FDFT1: variants seen among roughly 807,000 people sequenced by gnomAD.
FDFT1 encodes farnesyl-diphosphate farnesyltransferase 1.
Under a neutral mutation model 46.8 loss-of-function variants are expected in FDFT1, and 68 were observed. The observed-to-expected ratio is 1.45, with a 90% CI of 1.19 to 1.78. The LOEUF (loss-of-function observed/expected upper bound fraction) is 1.78, where lower values mean the gene tolerates loss of function less well. Among genes scored for constraint, FDFT1 ranks in the 40% most tolerant of loss-of-function variants. The probability of loss-of-function intolerance (pLI) is 0.00; values close to 1 mark genes in which losing one functional copy is unlikely to be tolerated. For missense variants in FDFT1, 928 were observed against 524.4 expected (o/e 1.77, Z -7.52); for synonymous variants, 351 against 185.1 (o/e 1.90, Z -7.28).
chr8:11,821,345 C>G (rs1336814434), intron 3 of FDFT1, among the ~76,000 whole-genome samples: 1 of 152,196 alleles, frequency 6.6e-6, no homozygotes, highest in African/African-American at 2.4e-5. Context: ...GTAATCCCAG[C>G]AGTTTGGGAG....
chr8:11,798,808 G>A (rs1805820417), upstream of FDFT1, among the ~76,000 whole-genome samples: 1 of 152,190 alleles, frequency 6.6e-6, no homozygotes, highest in South Asian at 2.1e-4. Flanking sequence ...GGACATTAGT[G>A]AGCAAAACAA....
intron 5 of FDFT1, among the ~76,000 whole-genome samples, chr8:11,828,330 C>T (rs1299958333): frequency 2.0e-5 from 3 of 152,200 alleles, no homozygotes; most frequent in Non-Finnish European, 4.4e-5. Context: ...AAAAACACTT[C>T]CCTCAGCTCA....
intron 1 of FDFT1, chr8:11,808,359 G>C: frequency 8.1e-7 from 1 of 1,235,180 alleles, no homozygotes. Context: ...GTGCGGAGCG[G>C]GAGGCCGGGG....
chr8:11,797,375 G>A (rs1380372910), upstream of FDFT1, among the ~76,000 whole-genome samples: 3 of 152,090 alleles, frequency 2.0e-5, no homozygotes, highest in Admixed American at 2.0e-4. Flanking sequence ...GCTGGATTAG[G>A]GGCTCTCTAA....
chr8:11,826,425 G>C (rs1298116469), intron 5 of FDFT1, among the ~76,000 whole-genome samples: 1 of 152,192 alleles, frequency 6.6e-6, no homozygotes, highest in Non-Finnish European at 1.5e-5. Flanking sequence ...GTATATTCAA[G>C]CCTTGCTGTC....
intron 3 of FDFT1, among the ~76,000 whole-genome samples, chr8:11,813,374 C>G (rs1808001643): frequency 6.6e-6 from 1 of 152,116 alleles, no homozygotes; most frequent in Non-Finnish European, 1.5e-5. Context: ...GAGTTACTTA[C>G]TAAATATATT....
chr8:11,808,860 G>C lies in FDFT1; in HGVS notation c.166G>C (p.Ala56Pro). The C allele has an allele frequency of 1.9e-6, 3 of 1,614,062 alleles. No homozygotes were observed. Among genetic ancestry groups the C allele is most frequent in the Non-Finnish European group, 1.7e-6 (2 of 1,179,990 alleles). The change falls in exon 2 of 8, where the codon GCT becomes CCT. Residue 56 changes from alanine (A) to proline (P), a missense_variant. Physicochemically the swap from Ala to Pro is conservative, Grantham distance 27 (BLOSUM62 -1). Coordinates refer to ENST00000220584, the MANE Select transcript of FDFT1 (RefSeq NM_004462.5). The stretch of plus-strand genomic sequence containing the variant: ...CAATCAGACCAGTCGCAGTTTCGCA[G>C]CTGTTATCCAGGCGCTGGATGGGGA... The part of the protein sequence containing the change: ...YLNQTSRSFA[A>P]VIQALDGEMR...
intron 1 of FDFT1, chr8:11,808,223 C>T (rs1043068670): frequency 3.4e-6 from 4 of 1,169,824 alleles, no homozygotes; most frequent in Non-Finnish European, 3.2e-6. Context: ...TCAGCGGAGC[C>T]CGAGTAGAGT....
intron 3 of FDFT1, among the ~76,000 whole-genome samples, chr8:11,821,274 A>C (rs1185789743): frequency 5.3e-5 from 8 of 152,194 alleles, no homozygotes; most frequent in Non-Finnish European, 1.5e-5. Flanking sequence ...ATTCTATTTT[A>C]ATATTTATGA....
intron 5 of FDFT1, among the ~76,000 whole-genome samples, chr8:11,826,431 C>A (rs1044243100): frequency 6.6e-6 from 1 of 152,190 alleles, no homozygotes; most frequent in Non-Finnish European, 1.5e-5. Context: ...TCAAGCCTTG[C>A]TGTCCTTGAT....
chr8:11,827,453 G>C (rs1563332104), intron 5 of FDFT1, among the ~76,000 whole-genome samples: 1 of 148,124 alleles, frequency 6.8e-6, no homozygotes, highest in Non-Finnish European at 1.5e-5. Flanking sequence ...AGGAGCTCAA[G>C]GTTGGATTGA....
chr8:11,821,615 A>G, intron 3 of FDFT1, 135 bp from the exon 4 acceptor site: 1 of 1,061,584 alleles, frequency 9.4e-7, no homozygotes, highest in South Asian at 1.4e-5. Context: ...AAACAAAAAA[A>G]ATGTGTGACC....
intron 4 of FDFT1, among the ~76,000 whole-genome samples, 185 bp from the exon 5 acceptor site, chr8:11,825,838 GA>G (rs1270925953): frequency 3.9e-5 from 6 of 152,202 alleles, no homozygotes; most frequent in Non-Finnish European, 8.8e-5. Context: ...AGACTGCTAT[GA>G]AATGTTTTGA....
At chr8:11,808,484 A>G (rs1189427910) in intron 1 of FDFT1, 9 of 1,323,824 alleles carry the variant, frequency 6.8e-6, no homozygotes, top group Admixed American at 7.7e-5. Flanking sequence ...GCTTGAGTCT[A>G]TGGAGGAAAA....
chr8:11,828,440 G>A (rs1563333840), intron 5 of FDFT1, among the ~76,000 whole-genome samples: 1 of 152,232 alleles, frequency 6.6e-6, no homozygotes, highest in African/African-American at 2.4e-5. Context: ...CTCAGAGAAG[G>A]GAAGGGGATT....
chr8:11,805,137 G>C (rs1806666791), intron 1 of FDFT1, among the ~76,000 whole-genome samples: 1 of 151,396 alleles, frequency 6.6e-6, no homozygotes, highest in Non-Finnish European at 1.5e-5. Flanking sequence ...GGCTGGTCTT[G>C]AACTCCTGAG....
intron 1 of FDFT1, among the ~76,000 whole-genome samples, chr8:11,805,784 C>T (rs1019410630): frequency 6.6e-6 from 1 of 152,208 alleles, no homozygotes; most frequent in African/African-American, 2.4e-5. Context: ...TTCACACTGA[C>T]TAGGGTTGTA....
intron 3 of FDFT1, among the ~76,000 whole-genome samples, chr8:11,811,673 G>T (rs974917093): frequency 6.6e-6 from 1 of 152,152 alleles, no homozygotes; most frequent in Non-Finnish European, 1.5e-5. Flanking sequence ...TTCTTTTTTG[G>T]GTAGTAGAGT....
At chr8:11,830,670 C>T (rs1810651157) in intron 6 of FDFT1, among the ~76,000 whole-genome samples, 1 of 152,182 alleles carries the variant, frequency 6.6e-6, no homozygotes, top group Admixed American at 6.5e-5. Context: ...CTATCCTAAA[C>T]TAGTTAGGTT....
Sources: allele counts gnomAD v4.1 joint callset (sites outside exome capture counted in the v4.1 genomes callset), GRCh38; gene constraint gnomAD v4.1.1; transcripts MANE v1.5; gene names NCBI Gene and HGNC (gene_info 2026-07-23, HGNC 2026-07-21).